Variants in KLF8 observed in about 807,000 individuals in gnomAD.
KLF8 encodes KLF transcription factor 8, also known as Krueppel-like factor 8.
In KLF8, 10 loss-of-function variants were observed where a neutral mutation model predicts 18.2. The ratio of observed to expected loss-of-function variants is 0.55; its 90% CI spans 0.34 to 0.93. KLF8 has a LOEUF of 0.93. KLF8 is among the 40% of genes least tolerant of loss of function. KLF8 has a pLI of 0.02. For missense variants in KLF8, 264 were observed against 277.9 expected, an observed-to-expected ratio of 0.95 and a Z score of 0.36; for synonymous variants, 109 against 97.3, an observed-to-expected ratio of 1.12 and a Z score of -0.71.
chrX:56,042,467 T>G, the KLF8 span, among the ~76,000 whole-genome samples: 1 of 111,536 alleles, frequency 9.0e-6, no homozygotes, highest in Non-Finnish European at 1.9e-5. Flanking sequence ...TATTTTTGTG[T>G]GGGAGTCTAT....
At chrX:56,109,959 C>T in the KLF8 span, among the ~76,000 whole-genome samples, 1 of 110,121 alleles carries the variant, frequency 9.1e-6, no homozygotes, top group Admixed American at 9.8e-5. Context: ...CAATAGGCTC[C>T]ATTGTGTGTT....
the KLF8 span, among the ~76,000 whole-genome samples, chrX:56,132,266 A>T: frequency 8.9e-6 from 1 of 111,797 alleles, no homozygotes; most frequent in Non-Finnish European, 1.9e-5. Context: ...AATTTAAGAA[A>T]ATTGAAATTA....
At chrX:56,093,887 C>A in the KLF8 span, among the ~76,000 whole-genome samples, 1 of 98,864 alleles carries the variant, frequency 1.0e-5, no homozygotes, top group Admixed American at 1.2e-4. Context: ...TTGTAAATGG[C>A]AACAACGTAT....
At chrX:56,067,165 C>T in the KLF8 span, among the ~76,000 whole-genome samples, 1 of 105,278 alleles carries the variant, frequency 9.5e-6, no homozygotes, top group African/African-American at 3.4e-5. Flanking sequence ...GTGGTAGAAG[C>T]TTTAAGGTGG....
At chrX:56,233,650 C>T (rs1282235531) in intron 1 of KLF8, among the ~76,000 whole-genome samples, 2 of 111,675 alleles carry the variant, frequency 1.8e-5, no homozygotes, top group Non-Finnish European at 3.8e-5. Flanking sequence ...ACTCCTTAAG[C>T]GGTAAGGATT....
chrX:56,265,961 T>A, intron 3 of KLF8: 1 of 973,698 alleles, frequency 1.0e-6, no homozygotes, highest in Non-Finnish European at 1.3e-6. Flanking sequence ...AGTATGCATA[T>A]CTATCAGTGA....
chrX:56,106,640 C>T, the KLF8 span, among the ~76,000 whole-genome samples: 2 of 111,665 alleles, frequency 1.8e-5, no homozygotes, highest in African/African-American at 6.5e-5. Context: ...TTTTAGCTTC[C>T]TTGCAATGGG....
chrX:56,246,134 T>A (rs767846143), intron 1 of KLF8, among the ~76,000 whole-genome samples: 17 of 111,479 alleles, frequency 1.5e-4, no homozygotes, highest in Non-Finnish European at 2.5e-4. Context: ...CAGCTCTCCC[T>A]CTTATACTAT....
chrX:56,061,693 A>G, the KLF8 span, among the ~76,000 whole-genome samples: 1 of 111,081 alleles, frequency 9.0e-6, no homozygotes, highest in East Asian at 2.8e-4. Context: ...CTTGGTCCAG[A>G]GCTGAGTTCA....
chrX:56,092,212 A>G, the KLF8 span, among the ~76,000 whole-genome samples: 13 of 111,229 alleles, frequency 1.2e-4, no homozygotes, highest in African/African-American at 1.6e-4. Context: ...TAGATTCCAG[A>G]TATTAGTCCC....
the KLF8 span, among the ~76,000 whole-genome samples, chrX:56,036,907 T>C: frequency 8.9e-6 from 1 of 111,864 alleles, no homozygotes; most frequent in African/African-American, 3.2e-5. Context: ...TTAAGTTTAT[T>C]CCTAATTTTT....
chrX:55,976,717 G>A, the KLF8 span, among the ~76,000 whole-genome samples: 2 of 111,366 alleles, frequency 1.8e-5, no homozygotes, highest in African/African-American at 3.3e-5. Flanking sequence ...TGAATCATTA[G>A]ATTGAGTTGT....
the KLF8 span, among the ~76,000 whole-genome samples, chrX:56,105,092 A>G: frequency 1.8e-5 from 2 of 111,610 alleles, no homozygotes; most frequent in African/African-American, 6.5e-5. Flanking sequence ...GTTTGTTGTG[A>G]TTTGTGTTCT....
the KLF8 span, among the ~76,000 whole-genome samples, chrX:56,183,523 G>A: frequency 2.7e-5 from 3 of 111,471 alleles, no homozygotes; most frequent in Non-Finnish European, 3.8e-5. Flanking sequence ...TGGAAATGCA[G>A]AAATCACCCA....
chrX:56,154,118 C>A, the KLF8 span, among the ~76,000 whole-genome samples: 1 of 111,131 alleles, frequency 9.0e-6, no homozygotes, highest in Admixed American at 9.6e-5. Context: ...GAGCCCACAT[C>A]GCCAAGTCAA....
At chrX:56,152,685 T>G in the KLF8 span, among the ~76,000 whole-genome samples, 1 of 111,461 alleles carries the variant, frequency 9.0e-6, no homozygotes, top group African/African-American at 3.3e-5. Flanking sequence ...TCAAAGGTAG[T>G]GCTTTATTTT....
intron 2 of KLF8, among the ~76,000 whole-genome samples, 158 bp from the exon 3 acceptor site, chrX:56,265,022 G>A (rs767611952): frequency 4.5e-5 from 5 of 111,547 alleles, no homozygotes; most frequent in South Asian, 3.8e-4. Context: ...AAAGTTTCCC[G>A]TCTGTTTTTC....
the KLF8 span, among the ~76,000 whole-genome samples, chrX:56,146,178 GAA>G: frequency 8.9e-6 from 1 of 111,862 alleles, no homozygotes; most frequent in African/African-American, 3.3e-5. Context: ...TCTAGAACTA[GAA>G]ATACCATTTG....
the KLF8 span, among the ~76,000 whole-genome samples, chrX:56,202,938 T>C: frequency 9.0e-6 from 1 of 111,236 alleles, no homozygotes; most frequent in African/African-American, 3.3e-5. Context: ...TTTGGGTATA[T>C]ACCCAGCAGT....
Sources: gnomAD v4.1 joint callset for allele counts (sites outside exome capture counted in the v4.1 genomes callset) on GRCh38, gnomAD v4.1.1 for gene constraint, MANE v1.5 for transcripts, NCBI Gene and HGNC (gene_info 2026-07-23, HGNC 2026-07-21) for gene names.